Variants in USP54 observed in about 807,000 individuals in gnomAD.
The protein encoded by USP54 is ubiquitin specific peptidase 54.
USP54 carries 87 observed loss-of-function variants against 170.5 expected under a neutral mutation model. The observed-to-expected ratio is 0.51, with a 90% confidence interval of 0.43 to 0.61. USP54 has a LOEUF of 0.61. Among genes scored for constraint, USP54 ranks in the 20% least tolerant of loss-of-function variants. The probability of loss-of-function intolerance (pLI) is 0.00; values close to 1 mark genes in which losing one functional copy is unlikely to be tolerated. For missense variants in USP54, 1,786 were observed against 2,047.8 expected, an observed-to-expected ratio of 0.87 and a Z score of 2.47; for synonymous variants, 655 against 742.8, an observed-to-expected ratio of 0.88 and a Z score of 1.92.
At chr10:73,547,485 C>T (rs1490760533) in intron 4 of USP54, among the ~76,000 whole-genome samples, 1 of 152,172 alleles carries the variant, frequency 6.6e-6, no homozygotes, top group Non-Finnish European at 1.5e-5. Flanking sequence ...TCAAACTATA[C>T]TACAAGACTA....
At chr10:73,618,817 CAGG>C (rs1320430242) in intron 1 of USP54, among the ~76,000 whole-genome samples, 2 of 146,814 alleles carry the variant, frequency 1.4e-5, no homozygotes, top group African/African-American at 5.3e-5. Flanking sequence ...GAGGCTGAGG[CAGG>C]AGAATTGCTT....
intron 12 of USP54, among the ~76,000 whole-genome samples, chr10:73,531,922 T>A (rs2064058667): frequency 6.6e-6 from 1 of 152,146 alleles, no homozygotes; most frequent in Admixed American, 6.5e-5. Flanking sequence ...ATTAAGCAGG[T>A]AAATTAAGTT....
intron 20 of USP54, among the ~76,000 whole-genome samples, chr10:73,516,131 T>G (rs990167726): frequency 6.6e-6 from 1 of 152,192 alleles, no homozygotes; most frequent in Non-Finnish European, 1.5e-5. Flanking sequence ...GGCAAATACT[T>G]AGTAATCTCT....
rs914175818 is a variant in USP54 at position 73,529,771 on chromosome 10, G to A, written c.1969C>T (p.Arg657Ter). 9 of 1,613,866 alleles carry A rather than the reference G, an allele frequency of 5.6e-6. No homozygotes were observed. The highest frequency in any genetic ancestry group is 5.0e-5 in the Admixed American group (3 of 59,996). The change falls in exon 15 of 24, where the codon CGA (arginine) becomes TGA (stop). Residue 657 changes from arginine to a stop codon, truncating the protein, a stop_gained. Transcript: ENST00000687698. LOFTEE classifies it high-confidence loss of function. ...CTGCTTTCATAGCCAGATTCCATTC[G>A]CTGGATTAGTCGGGGGTGCTGCTCT... The part of the protein sequence containing the change: ...LLEQHPRLIQ[R>*]MESGYESSER...
In USP54 at chr10:73,587,212, TC is replaced by T. The variant is rs569741470; in HGVS notation, c.-582+4065del. On this transcript the variant is annotated intron_variant, in intron 1 of 23. Transcript: ENST00000687698. ...CTGCAGGCCGGGTGCAGTGGCTCAC[TC>T]CTGTAATCCCAGCACTTTGGGAGGC... Among the ~76,000 whole-genome samples the T allele has an allele frequency of 9.2e-5, 14 of 151,446 alleles. No individual in the cohort carries two copies. In the South Asian group the frequency reaches 2.7e-3, roughly 29 times the overall value.
intron 4 of USP54, among the ~76,000 whole-genome samples, chr10:73,557,070 A>T (rs1158149435): frequency 6.6e-6 from 1 of 152,188 alleles, no homozygotes; most frequent in Non-Finnish European, 1.5e-5. Context: ...TGGAAGAACA[A>T]AATCTTTGTG....
At chr10:73,550,965 C>G (rs2069180001) in intron 4 of USP54, among the ~76,000 whole-genome samples, 1 of 152,068 alleles carries the variant, frequency 6.6e-6, no homozygotes, top group South Asian at 2.1e-4. Flanking sequence ...ATTATCCAGG[C>G]ATGGTGGCAG....
chr10:73,569,126 T>C (rs1273401892), intron 4 of USP54, among the ~76,000 whole-genome samples: 2 of 152,200 alleles, frequency 1.3e-5, no homozygotes, highest in African/African-American at 2.4e-5. Flanking sequence ...AGTTCTTCTA[T>C]AGGGACTTCT....
At chr10:73,597,746 T>C (rs1449112296) in intron 1 of USP54, among the ~76,000 whole-genome samples, 1 of 152,234 alleles carries the variant, frequency 6.6e-6, no homozygotes, top group African/African-American at 2.4e-5. Flanking sequence ...ATTGGGGCAA[T>C]GGGCAGAATG....
rs973208533 is a variant in USP54, at chr10:73,548,540, C to T, written c.241-2868G>A. On this transcript the variant is annotated intron_variant, in intron 4 of 23. Coordinates refer to ENST00000687698, the MANE Select transcript of USP54 (RefSeq NM_001391956.1). ...TGTGGCACATATACACCATGGAATACTATGCAGCCTTAAAAAAAATGAGTT... is the reference window on the plus strand; with the variant it reads ...TGTGGCACATATACACCATGGAATATTATGCAGCCTTAAAAAAAATGAGTT... 2.6e-5 allele frequency among the ~76,000 whole-genome samples: 4 copies of T among 150,998 alleles called. No homozygotes were observed. In the East Asian group the frequency reaches 5.8e-4, roughly 22 times the overall value.
At position 73,526,607 on chromosome 10, in the gene USP54, G is replaced by A. The variant is rs146731872; in HGVS notation, c.2194+40C>T. 3.1e-4 allele frequency: 504 copies of A among 1,609,348 alleles called. 3 individuals carry two copies. In the African/African-American group the frequency reaches 5.8e-3, roughly 18 times the overall value. Reference sequence around the variant, plus strand: ...AGTCTGGTCCCCAGACAAAACTGCCGGTCAAATCCAGTCCTCAAATTCAGT... The same window carrying A: ...AGTCTGGTCCCCAGACAAAACTGCCAGTCAAATCCAGTCCTCAAATTCAGT... On this transcript the variant is annotated intron_variant, in intron 16 of 23. Coordinates refer to ENST00000687698, the MANE Select transcript of USP54 (RefSeq NM_001391956.1).
At chr10:73,513,811 AT>A (rs901191811) in intron 20 of USP54, among the ~76,000 whole-genome samples, 2 of 151,576 alleles carry the variant, frequency 1.3e-5, no homozygotes, top group South Asian at 2.1e-4. Context: ...GGTAATACAA[AT>A]TTTTTTTTGT....
At chr10:73,601,335 G>A (rs1039080148) in intron 1 of USP54, among the ~76,000 whole-genome samples, 2 of 152,100 alleles carry the variant, frequency 1.3e-5, no homozygotes, top group Non-Finnish European at 2.9e-5. Flanking sequence ...GTCATGGAAA[G>A]TCACCTCAAA....
intron 1 of USP54, among the ~76,000 whole-genome samples, chr10:73,589,810 G>C (rs770258593): frequency 6.6e-6 from 1 of 152,160 alleles, no homozygotes; most frequent in Non-Finnish European, 1.5e-5. Flanking sequence ...GGATACCAAA[G>C]AAAGGAGAAT....
intron 3 of USP54, 24 bp from the exon 4 acceptor site, chr10:73,571,537 C>A (rs1411352506): frequency 2.5e-6 from 4 of 1,576,134 alleles, no homozygotes; most frequent in South Asian, 1.1e-5. Flanking sequence ...GAAAATATTT[C>A]ATTACTCTAT....
At chr10:73,557,648 G>A (rs976024315) in intron 4 of USP54, among the ~76,000 whole-genome samples, 46 of 151,958 alleles carry the variant, frequency 3.0e-4, no homozygotes, top group Non-Finnish European at 2.5e-4. Flanking sequence ...ACCACACCCA[G>A]CTAATTTTTG....
At position 73,622,310 on chromosome 10, in the gene USP54, ATTTAT is replaced by A. The variant is rs2081156829; in HGVS notation, c.-18+3252_-18+3256del. On this transcript the variant is annotated intron_variant, in intron 1 of 22. Coordinates refer to the USP54 transcript ENST00000339859. Reference sequence around the variant, plus strand: ...CTTAAGACTGTTGTAATATTTATTTATTTATTTATTTATTTATTTATTTATTTATT... The same window carrying A: ...CTTAAGACTGTTGTAATATTTATTTATTATTTATTTATTTATTTATTTATT... Among the ~76,000 whole-genome samples the A allele has an allele frequency of 4.0e-5, 6 of 150,274 alleles. 1 individual carries two copies. The South Asian group carries it at 1.3e-3, about 31-fold the overall frequency.
Position 73,526,636 on chromosome 10 carries a change from A to G in USP54, c.2194+11T>C. On this transcript the variant is annotated intron_variant, in intron 16 of 23. Coordinates refer to ENST00000687698, the MANE Select transcript of USP54 (RefSeq NM_001391956.1). ...AAATCCAGTCCTCAAATTCAGTGTCATTCTGCTTACCAGAGAAAGGCTGAC... is the reference window on the plus strand; with the variant it reads ...AAATCCAGTCCTCAAATTCAGTGTCGTTCTGCTTACCAGAGAAAGGCTGAC... 1 of 1,613,616 alleles carries G rather than the reference A, an allele frequency of 6.2e-7. No homozygotes were observed. The highest frequency in any genetic ancestry group is 8.5e-7 in the Non-Finnish European group (1 of 1,179,800).
At chr10:73,527,244 A>C (rs1232582598) in intron 15 of USP54, among the ~76,000 whole-genome samples, 3 of 152,200 alleles carry the variant, frequency 2.0e-5, no homozygotes, top group African/African-American at 7.2e-5. Context: ...TCATGCCTGT[A>C]ATCCCAGCAC....
Sources: allele counts gnomAD v4.1 joint callset (sites outside exome capture counted in the v4.1 genomes callset), GRCh38; gene constraint gnomAD v4.1.1; transcripts MANE v1.5; gene names NCBI Gene and HGNC (gene_info 2026-07-23, HGNC 2026-07-21).